Variants in CTPS2 observed in about 807,000 individuals in gnomAD.
CTPS2 encodes the protein CTP synthase 2, also known as CTP synthase II.
In CTPS2, 19 loss-of-function variants were observed where a neutral mutation model predicts 46.8. That is an observed-to-expected ratio of 0.41 (90% CI 0.28 to 0.60). CTPS2 has a LOEUF of 0.60. Among genes scored for constraint, CTPS2 ranks in the 20% least tolerant of loss-of-function variants. The pLI is 0.35. For synonymous variants in CTPS2, 151 were observed against 165.2 expected (o/e 0.91, Z 0.66); for missense variants, 286 against 447.6 (o/e 0.64, Z 3.26).
At chrX:16,601,233 C>A (rs765845725) in intron 17 of CTPS2, among the ~76,000 whole-genome samples, 29 of 111,056 alleles carry the variant, frequency 2.6e-4, no homozygotes, top group African/African-American at 9.2e-4. Flanking sequence ...CCTTGCTCTC[C>A]AAGTCCAAGA....
intron 17 of CTPS2, among the ~76,000 whole-genome samples, chrX:16,594,092 C>T (rs1406047683): frequency 9.0e-6 from 1 of 111,641 alleles, no homozygotes; most frequent in African/African-American, 3.3e-5. Context: ...ATAGATCCTT[C>T]AAGGTGAAGC....
chrX:16,620,150 T>A, intron 15 of CTPS2, 127 bp downstream of exon 15: 1 of 443,448 alleles, frequency 2.3e-6, no homozygotes, highest in Non-Finnish European at 3.8e-6. Flanking sequence ...CTGTGGGAAA[T>A]TTGGTCCTCT....
At chrX:16,679,090 G>C (rs1472605655) in intron 9 of CTPS2, among the ~76,000 whole-genome samples, 1 of 111,201 alleles carries the variant, frequency 9.0e-6, no homozygotes. Flanking sequence ...GGGCGCATTG[G>C]CTCATGCCTG....
At chrX:16,624,205 A>T (rs1206334245) in intron 14 of CTPS2, among the ~76,000 whole-genome samples, 1 of 112,031 alleles carries the variant, frequency 8.9e-6, no homozygotes, top group African/African-American at 3.2e-5. Context: ...TGTTTTCAGA[A>T]CTTTGGAAAT....
chrX:16,653,540 G>C (rs925535206), intron 13 of CTPS2, among the ~76,000 whole-genome samples: 2 of 112,011 alleles, frequency 1.8e-5, no homozygotes, highest in Admixed American at 9.5e-5. Context: ...AGCCCAGGAG[G>C]TGGAAGCTGC....
chrX:16,639,004 G>A, intron 14 of CTPS2, 143 bp downstream of exon 14: 3 of 554,465 alleles, frequency 5.4e-6, no homozygotes, highest in Non-Finnish European at 9.8e-6. Flanking sequence ...GTGAGGGCAG[G>A]GGAGATGGGA....
intron 4 of CTPS2, among the ~76,000 whole-genome samples, chrX:16,697,775 T>C (rs779316998): frequency 8.1e-5 from 9 of 111,647 alleles, no homozygotes; most frequent in South Asian, 3.7e-4. Flanking sequence ...CTGATACTAA[T>C]CACTTATCAC....
chrX:16,601,088 A>G (rs761773905), intron 17 of CTPS2, among the ~76,000 whole-genome samples: 7 of 111,752 alleles, frequency 6.3e-5, no homozygotes, highest in Non-Finnish European at 1.3e-4. Context: ...ACATGGTGCA[A>G]GAATGGCCCC....
intron 17 of CTPS2, among the ~76,000 whole-genome samples, chrX:16,604,171 C>T (rs1569190971): frequency 9.0e-6 from 1 of 111,721 alleles, no homozygotes; most frequent in Admixed American, 9.5e-5. Flanking sequence ...GATTTATCTG[C>T]ACAAGAGACA....
At position 16,662,012 on chromosome X, in the gene CTPS2, A is replaced by ATATATATATATATATATATATATATATG. The variant is rs1555967619; in HGVS notation, c.1296+5501_1296+5502insCATATATATATATATATATATATATATA. On this transcript the variant is annotated intron_variant, in intron 13 of 18. Coordinates refer to ENST00000359276, the MANE Select transcript of CTPS2 (RefSeq NM_175859.3). Reference sequence around the variant, plus strand: ...TTCATTCATATATATATATATATATATGCCTCAAAAGCTGAAAATATTCAA... The same window carrying ATATATATATATATATATATATATATATG: ...TTCATTCATATATATATATATATATATATATATATATATATATATATATATATGTGCCTCAAAAGCTGAAAATATTCAA... Among the ~76,000 whole-genome samples the ATATATATATATATATATATATATATATG allele has an allele frequency of 5.6e-3, 587 of 105,319 alleles. 4 individuals carry two copies. The highest frequency in any genetic ancestry group is 0.01 in the South Asian group (24 of 2,378). The allele number at this position is 105,319 out of a possible 115,157, so 91.5% of individuals were successfully genotyped here.
chrX:16,665,735 T>C (rs894131060), intron 13 of CTPS2, among the ~76,000 whole-genome samples: 12 of 111,514 alleles, frequency 1.1e-4, no homozygotes, highest in Non-Finnish European at 2.3e-4. Context: ...CTAAAAACCA[T>C]TGGATTATAC....
At chrX:16,624,965 G>C (rs1452323897) in intron 14 of CTPS2, among the ~76,000 whole-genome samples, 1 of 111,689 alleles carries the variant, frequency 9.0e-6, no homozygotes, top group Non-Finnish European at 1.9e-5. Context: ...TTTGCTACTG[G>C]GTAAGATACT....
chrX:16,686,137 C>T (rs1190390182), intron 8 of CTPS2, among the ~76,000 whole-genome samples: 2 of 111,743 alleles, frequency 1.8e-5, no homozygotes, highest in East Asian at 5.6e-4. Flanking sequence ...CAGAGGGAGG[C>T]CCAGTGCTGC....
At chrX:16,710,010 T>C (rs778153761) in intron 1 of CTPS2, among the ~76,000 whole-genome samples, 39 of 110,187 alleles carry the variant, frequency 3.5e-4, no homozygotes, top group Non-Finnish European at 4.9e-4. Flanking sequence ...CTCTCTGACC[T>C]TCTCCTGCCC....
At chrX:16,605,049 G>A (rs1028129460) in intron 17 of CTPS2, among the ~76,000 whole-genome samples, 18 of 112,204 alleles carry the variant, frequency 1.6e-4, no homozygotes, top group African/African-American at 5.8e-4. Context: ...GCTGGTGTCC[G>A]GGAACATGGC....
intron 5 of CTPS2, 60 bp downstream of exon 5, chrX:16,693,309 CAT>C: frequency 9.5e-7 from 1 of 1,049,079 alleles, no homozygotes; most frequent in Non-Finnish European, 1.3e-6. Context: ...ATGCAGGACA[CAT>C]AGAATATCAT....
Position 16,617,161 on chromosome X carries a change from A to G in CTPS2, c.1535T>C (p.Ile512Thr), listed in dbSNP as rs1369857948. ...AAGAGCCCACTTACTTGCCAGTTCAATGATTTCCATCCTGTCTCCATCAAC... is the reference window on the plus strand; with the variant it reads ...AAGAGCCCACTTACTTGCCAGTTCAGTGATTTCCATCCTGTCTCCATCAAC... ...QDVDGDRMEI[I>T]ELANHPYFVG... Residue 512 changes from isoleucine (I) to threonine (T), a missense_variant, in exon 16 of 19, where the codon ATT becomes ACT. Ile to Thr is a moderately conservative substitution (Grantham distance 89). Transcript: ENST00000359276. 2.5e-6 allele frequency: 3 copies of G among 1,206,087 alleles called. No individual in the cohort carries two copies. Among genetic ancestry groups the G allele is most frequent in the Middle Eastern group, 2.3e-4 (1 of 4,333 alleles).
At chrX:16,652,499 C>G (rs1357783100) in intron 13 of CTPS2, among the ~76,000 whole-genome samples, 1 of 111,784 alleles carries the variant, frequency 8.9e-6, no homozygotes, top group African/African-American at 3.2e-5. Flanking sequence ...CACTTAAAGT[C>G]ACTAGCAGAA....
At chrX:16,590,662 T>C (rs756770372) in intron 18 of CTPS2, 90 bp downstream of exon 18, 2 of 458,864 alleles carry the variant, frequency 4.4e-6, no homozygotes, top group African/African-American at 4.9e-5. Flanking sequence ...GGCAAGATCC[T>C]GTGAGGCGAG....
Sources: allele counts gnomAD v4.1 joint callset (sites outside exome capture counted in the v4.1 genomes callset), GRCh38; gene constraint gnomAD v4.1.1; transcripts MANE v1.5; gene names NCBI Gene and HGNC (gene_info 2026-07-23, HGNC 2026-07-21).